Variants in LHCGR observed in about 807,000 individuals in gnomAD.
The protein encoded by LHCGR is lutropin-choriogonadotropic hormone receptor.
Under a neutral mutation model 60.7 loss-of-function variants are expected in LHCGR, and 55 were observed. The ratio of observed to expected loss-of-function variants is 0.91; its 90% CI spans 0.73 to 1.13. LHCGR has a LOEUF of 1.13. Ranked by LOEUF, LHCGR falls within the 50% of genes most tolerant of loss-of-function variation. The probability of loss-of-function intolerance (pLI) is 0.00; values close to 1 mark genes in which losing one functional copy is unlikely to be tolerated. For missense variants in LHCGR, 862 were observed against 836.0 expected (o/e 1.03, Z -0.38); for synonymous variants, 337 against 316.5 (o/e 1.06, Z -0.69).
intron 2 of LHCGR, among the ~76,000 whole-genome samples, chr2:48,729,930 G>A (rs939826920): frequency 3.3e-5 from 5 of 152,178 alleles, no homozygotes; most frequent in African/African-American, 1.2e-4. Context: ...GAATGCAGTA[G>A]TGAATAATTG....
chr2:48,703,982 G>A (rs1177391949), intron 8 of LHCGR, among the ~76,000 whole-genome samples: 1 of 152,182 alleles, frequency 6.6e-6, no homozygotes, highest in African/African-American at 2.4e-5. Context: ...CAAAGGGAAT[G>A]CTTCCAGTTT....
chr2:48,726,431 G>A (rs560042510), intron 3 of LHCGR, among the ~76,000 whole-genome samples: 10 of 152,288 alleles, frequency 6.6e-5, no homozygotes, highest in African/African-American at 2.4e-4. Flanking sequence ...GAGATAATAT[G>A]AGGCAGGGTT....
At chr2:48,705,814 T>C (rs1477265282) in intron 8 of LHCGR, among the ~76,000 whole-genome samples, 1 of 152,168 alleles carries the variant, frequency 6.6e-6, no homozygotes. Context: ...GTCTCCTGAA[T>C]ACAGCACACT....
At chr2:48,694,897 G>A (rs775892931) in intron 9 of LHCGR, among the ~76,000 whole-genome samples, 1 of 152,132 alleles carries the variant, frequency 6.6e-6, no homozygotes, top group Non-Finnish European at 1.5e-5. Flanking sequence ...ACCTGGGGGA[G>A]CACTTACCTA....
intron 1 of LHCGR, among the ~76,000 whole-genome samples, chr2:48,747,842 C>A (rs1467493270): frequency 6.6e-6 from 1 of 152,174 alleles, no homozygotes; most frequent in African/African-American, 2.4e-5. Context: ...CAGAGCCCCA[C>A]CCAAGGTTTC....
Position 48,716,390 on chromosome 2 carries a change from T to A in LHCGR, c.537-2336A>T, listed in dbSNP as rs145657491. On this transcript the variant is annotated intron_variant, in intron 6 of 10. Transcript: ENST00000294954. ...ATTTAATGTATATTTACTGTAATACTCCCAGGTGCCAGGCACTGTTCTAGA... is the reference window on the plus strand; with the variant it reads ...ATTTAATGTATATTTACTGTAATACACCCAGGTGCCAGGCACTGTTCTAGA... Among the ~76,000 whole-genome samples the A allele has an allele frequency of 4.1e-3, 627 of 152,338 alleles. 5 individuals are homozygous for A. Among genetic ancestry groups the A allele is most frequent in the African/African-American group, 0.014 (592 of 41,560 alleles).
At position 48,688,368 on chromosome 2, in the gene LHCGR, T is replaced by C. The variant is rs1262270852; in HGVS notation, c.1429A>G (p.Lys477Glu). Residue 477 changes from lysine (K) to glutamate (E), a missense_variant, in exon 11 of 11, where the codon AAG becomes GAG. Transcript: ENST00000294954. The surrounding 1 kb of genome is among the most constrained non-coding windows in gnomAD (Gnocchi z 5.2). ...TITYAIHLDQ[K>E]LRLRHAILIM... ...AGAATGGCATGTCTTAATCGCAGCT[T>C]TTGGTCCAGGTGAATAGCATAGGTG... 1 of 1,614,140 alleles carries C rather than the reference T, an allele frequency of 6.2e-7. No individual in the cohort carries two copies. Among genetic ancestry groups the C allele is most frequent in the East Asian group, 2.2e-5 (1 of 44,874 alleles).
chr2:48,714,103 C>T, intron 6 of LHCGR, 49 bp from the exon 7 acceptor site: 1 of 1,368,024 alleles, frequency 7.3e-7, no homozygotes, highest in South Asian at 1.2e-5. Flanking sequence ...CTGAAAGAAA[C>T]AGTTTGGAAA....
chr2:48,753,664 C>T (rs1029911873), intron 1 of LHCGR, among the ~76,000 whole-genome samples: 3 of 152,046 alleles, frequency 2.0e-5, no homozygotes, highest in African/African-American at 7.2e-5. Flanking sequence ...GAAGGGGGTC[C>T]CCTCCTGAGA....
chr2:48,734,406 T>C (rs774937482), intron 1 of LHCGR, among the ~76,000 whole-genome samples: 1 of 152,154 alleles, frequency 6.6e-6, no homozygotes, highest in Non-Finnish European at 1.5e-5. Context: ...AATAAATAAC[T>C]AAAAACAGAG....
intron 10 of LHCGR, among the ~76,000 whole-genome samples, chr2:48,689,404 A>T (rs1214807499): frequency 6.6e-6 from 1 of 152,192 alleles, no homozygotes; most frequent in African/African-American, 2.4e-5. Context: ...GTAGAACACA[A>T]ATGGAATTGG....
At chr2:48,695,844 T>G (rs1667093021) in intron 9 of LHCGR, among the ~76,000 whole-genome samples, 2 of 152,124 alleles carry the variant, frequency 1.3e-5, no homozygotes, top group African/African-American at 4.8e-5. Context: ...TGGGAACATA[T>G]GAACATAACT....
rs71245621 is a variant in LHCGR, at chr2:48,755,616, G to GGCTGCAGCTGCAGCAGCAGCGGCTGCA, written c.55_56insTGCAGCCGCTGCTGCTGCAGCTGCAGC (p.Gln18_Pro19insLeuGlnProLeuLeuLeuGlnLeuGln). On this transcript the variant is annotated inframe_insertion, in exon 1 of 11. Transcript: ENST00000294954. Reference sequence around the variant, plus strand: ...CTCGCGCAGCGCTCGTGGCAGCGGCGGCTGCAGCAGCAGCAGCAGCTTCAG... The same window carrying GGCTGCAGCTGCAGCAGCAGCGGCTGCA: ...CTCGCGCAGCGCTCGTGGCAGCGGCGGCTGCAGCTGCAGCAGCAGCGGCTGCAGCTGCAGCAGCAGCAGCAGCTTCAG... 9.8e-6 allele frequency: 15 copies of GGCTGCAGCTGCAGCAGCAGCGGCTGCA among 1,532,406 alleles called. No homozygotes were observed. Among genetic ancestry groups the GGCTGCAGCTGCAGCAGCAGCGGCTGCA allele is most frequent in the Middle Eastern group, 4.6e-4 (2 of 4,368 alleles). 94.9% of individuals were successfully genotyped at this position (1,532,406 alleles called of 1,614,324 possible).
chr2:48,704,218 G>C (rs559727917), intron 8 of LHCGR, among the ~76,000 whole-genome samples: 5 of 152,180 alleles, frequency 3.3e-5, no homozygotes, highest in East Asian at 1.9e-4. Context: ...TTGAACCAGC[G>C]TTGCATCCCA....
At chr2:48,744,994 T>G (rs1269123220) in intron 1 of LHCGR, among the ~76,000 whole-genome samples, 1 of 151,840 alleles carries the variant, frequency 6.6e-6, no homozygotes, top group African/African-American at 2.4e-5. Context: ...CAAACAAATT[T>G]ACAAGAAAAA....
chr2:48,731,189 A>G, intron 2 of LHCGR, 38 bp downstream of exon 2: 1 of 1,368,070 alleles, frequency 7.3e-7, no homozygotes, highest in Non-Finnish European at 1.0e-6. Context: ...TCATTATTCC[A>G]ATTACGAATG....
chr2:48,747,650 TG>T (rs1669771004), intron 1 of LHCGR, among the ~76,000 whole-genome samples: 1 of 152,234 alleles, frequency 6.6e-6, no homozygotes. Flanking sequence ...GAGTCGTTTT[TG>T]GAACCGACTC....
intron 6 of LHCGR, chr2:48,721,356 G>T (rs1464395521): frequency 4.9e-6 from 1 of 205,222 alleles, no homozygotes; most frequent in Non-Finnish European, 1.0e-5. Flanking sequence ...TAGAGCTGTG[G>T]TGTGTGAGGG....
At position 48,755,663 on chromosome 2, in the gene LHCGR, C is replaced by T. The variant is rs1438175782; in HGVS notation, c.9G>A (p.Gln3=). The stretch of plus-strand genomic sequence containing the variant: ...TCAGCAGCTGCAGCGCCGAGAACCG[C>T]TGCTTCATGGCCGGCGAACTGGGCT... MK[Q]RFSALQLLKL... is the part of the protein sequence containing the mutation. The change falls in exon 1 of 11, where the codon CAG becomes CAA. Residue 3 remains glutamine (Q), a synonymous_variant. Transcript: ENST00000294954. 2.6e-6 allele frequency: 4 copies of T among 1,535,450 alleles called. No homozygotes were observed. The highest frequency in any genetic ancestry group is 3.5e-6 in the Non-Finnish European group (4 of 1,146,448).
Sources: allele counts gnomAD v4.1 joint callset (sites outside exome capture counted in the v4.1 genomes callset), GRCh38; gene constraint gnomAD v4.1.1; non-coding constraint Gnocchi (gnomAD v3.1); transcripts MANE v1.5; gene names NCBI Gene and HGNC (gene_info 2026-07-23, HGNC 2026-07-21).